COPS2: variants seen among roughly 807,000 people sequenced by gnomAD.
COPS2 encodes the protein COP9 signalosome complex subunit 2.
In COPS2, 10 loss-of-function variants were observed where a neutral mutation model predicts 66.1. The observed-to-expected ratio is 0.15, with a 90% CI of 0.09 to 0.26. The LOEUF (loss-of-function observed/expected upper bound fraction) is 0.26. Ranked by LOEUF, COPS2 falls within the 10% of genes least tolerant of loss-of-function variation. The probability of loss-of-function intolerance (pLI) is 1.00; values close to 1 mark genes in which losing one functional copy is unlikely to be tolerated. For synonymous variants in COPS2, 179 were observed against 171.3 expected (o/e 1.04, Z -0.35); for missense variants, 215 against 513.3 (o/e 0.42, Z 5.62).
At chr15:49,153,164 G>C (rs954399442) in intron 1 of COPS2, among the ~76,000 whole-genome samples, 1 of 152,186 alleles carries the variant, frequency 6.6e-6, no homozygotes, top group African/African-American at 2.4e-5. Context: ...GGTGGCACGT[G>C]CCAGTAGTCT....
chr15:49,136,209 A>G (rs1210809725), intron 6 of COPS2, among the ~76,000 whole-genome samples: 1 of 152,210 alleles, frequency 6.6e-6, no homozygotes, highest in Non-Finnish European at 1.5e-5. Flanking sequence ...GTTGAAAAAA[A>G]GTAGTACGTG....
chr15:49,147,125 CTCTTT>C (rs2141132239), intron 1 of COPS2, among the ~76,000 whole-genome samples: 1 of 152,240 alleles, frequency 6.6e-6, no homozygotes, highest in East Asian at 1.9e-4. Flanking sequence ...CGGAAATCAG[CTCTTT>C]TCTAATTGTT....
In COPS2 at chr15:49,127,852, G is replaced by T; in HGVS notation, c.*98C>A. ...CTGCCATAACTCCAATAATTTTCAG[G>T]ACACATCAACCGACAGTAGTTTTGC... On this transcript the variant is annotated 3_prime_UTR_variant, in exon 13 of 13. Coordinates refer to ENST00000388901, the MANE Select transcript of COPS2 (RefSeq NM_004236.4). 1 of 1,238,670 alleles carries T rather than the reference G, an allele frequency of 8.1e-7. No individual in the cohort carries two copies. The highest frequency in any genetic ancestry group is 1.1e-6 in the Non-Finnish European group (1 of 893,012). The allele number at this position is 1,238,670 out of a possible 1,614,324, so 76.7% of individuals were successfully genotyped here.
chr15:49,152,836 A>G, intron 1 of COPS2, among the ~76,000 whole-genome samples: 1 of 152,188 alleles, frequency 6.6e-6, no homozygotes, highest in East Asian at 1.9e-4. Flanking sequence ...AAAAAAAGTT[A>G]AAGCAATTAT....
At chr15:49,144,136 C>T (rs1048347748) in intron 3 of COPS2, 91 bp downstream of exon 3, 2 of 836,796 alleles carry the variant, frequency 2.4e-6, no homozygotes, top group Admixed American at 4.3e-5. Context: ...CAAAGAAGTA[C>T]TTTAGAAAAG....
At position 49,137,363 on chromosome 15, in the gene COPS2, A is replaced by G; in HGVS notation, c.447T>C (p.Phe149=). The change falls in exon 5 of 13, where the codon TTT becomes TTC. Residue 149 remains phenylalanine, a synonymous_variant. Transcript: ENST00000388901. ...TAACGGTTACCTTTGTGTTTGTCTT[A>G]AACCACAGTCTATCATTCTTAGCAT... is the stretch of plus-strand genomic sequence containing the variant. ...LKDAKNDRLW[F]KTNTKLGKLY... 1.2e-6 allele frequency: 2 copies of G among 1,609,716 alleles called. No individual in the cohort carries two copies. Among genetic ancestry groups the G allele is most frequent in the Non-Finnish European group, 1.7e-6 (2 of 1,176,556 alleles).
At chr15:49,130,658 G>A (rs922543136) in intron 10 of COPS2, 61 bp downstream of exon 10, 3 of 941,518 alleles carry the variant, frequency 3.2e-6, no homozygotes, top group Non-Finnish European at 5.1e-6. Context: ...GCTTCATTAA[G>A]TGGCATTTCT....
chr15:49,142,464 G>A (rs765229763), intron 3 of COPS2, among the ~76,000 whole-genome samples: 22 of 152,224 alleles, frequency 1.4e-4, no homozygotes, highest in Non-Finnish European at 2.9e-4. Context: ...GTACTAGTCA[G>A]ACGGGATAGA....
Position 49,126,291 on chromosome 15 carries a change from A to G in COPS2, c.*1659T>C, listed in dbSNP as rs544076216. The G allele has an allele frequency of 2.0e-4, 30 of 152,604 alleles. No homozygotes were observed. In the East Asian group the frequency reaches 5.6e-3, roughly 28 times the overall value. The allele number at this position is 152,604 out of a possible 1,614,324, so 9.5% of individuals were successfully genotyped here. On this transcript the variant is annotated 3_prime_UTR_variant, in exon 13 of 13. Transcript: ENST00000388901. ...GTGTTTAATACTGCTTTAGTCTGCT[A>G]AAGACATTAACTGATTGCTTTTCTA... is the stretch of plus-strand genomic sequence containing the variant.
chr15:49,154,130 AC>A (rs1566887820), intron 1 of COPS2, among the ~76,000 whole-genome samples: 2 of 152,086 alleles, frequency 1.3e-5, no homozygotes, highest in African/African-American at 4.8e-5. Context: ...ATGTAACGAA[AC>A]CCCCCATAAA....
chr15:49,150,117 G>A (rs1457184008), intron 1 of COPS2, among the ~76,000 whole-genome samples: 1 of 151,552 alleles, frequency 6.6e-6, no homozygotes, highest in East Asian at 1.9e-4. Flanking sequence ...GAGAAACCCT[G>A]TCTCTACTAA....
At chr15:49,132,889 A>C (rs781751206) in intron 9 of COPS2, among the ~76,000 whole-genome samples, 2 of 152,020 alleles carry the variant, frequency 1.3e-5, no homozygotes, top group Non-Finnish European at 2.9e-5. Context: ...CCATCATTAC[A>C]TCTTCCTCCA....
intron 1 of COPS2, among the ~76,000 whole-genome samples, chr15:49,149,937 A>T (rs1196624601): frequency 2.0e-5 from 3 of 152,192 alleles, no homozygotes; most frequent in Non-Finnish European, 2.9e-5. Context: ...AAAAATTCAC[A>T]CAAGTTAATG....
chr15:49,139,579 A>G lies in COPS2; in HGVS notation c.321T>C (p.Tyr107=). Residue 107 remains tyrosine (Y), a synonymous_variant, in exon 4 of 13, where the codon TAT becomes TAC. Transcript: ENST00000388901. Reference sequence around the variant, plus strand: ...GAATAGAATTAATGGATTTTTCAGAATAATTTCTTGTGACTGCACTCCGAA... The same window carrying G: ...GAATAGAATTAATGGATTTTTCAGAGTAATTTCTTGTGACTGCACTCCGAA... ...TYIRSAVTRN[Y]SEKSINSILD... 1 of 1,597,060 alleles carries G rather than the reference A, an allele frequency of 6.3e-7. No homozygotes were observed. The highest frequency in any genetic ancestry group is 8.6e-7 in the Non-Finnish European group (1 of 1,165,138).
intron 10 of COPS2, 70 bp downstream of exon 10, chr15:49,130,649 C>A: frequency 1.2e-6 from 1 of 866,046 alleles, no homozygotes; most frequent in Non-Finnish European, 1.9e-6. Context: ...TGCCATGCAG[C>A]TTCATTAAGT....
intron 1 of COPS2, among the ~76,000 whole-genome samples, chr15:49,147,467 A>G (rs965969488): frequency 6.6e-6 from 1 of 152,192 alleles, no homozygotes; most frequent in Non-Finnish European, 1.5e-5. Flanking sequence ...ACATGACAAC[A>G]GTAGGACTAG....
At chr15:49,150,260 A>T (rs200076501) in intron 1 of COPS2, among the ~76,000 whole-genome samples, 8,714 of 150,172 alleles carry the variant, frequency 0.058, 506 homozygotes, top group African/African-American at 0.14. Flanking sequence ...AAAAAAAAAA[A>T]AATAAATAAA....
At chr15:49,152,581 G>A (rs1442909412) in intron 1 of COPS2, among the ~76,000 whole-genome samples, 1 of 152,156 alleles carries the variant, frequency 6.6e-6, no homozygotes, top group African/African-American at 2.4e-5. Context: ...CAGCACTTTG[G>A]AAGGCTGAGG....
intron 1 of COPS2, 29 bp downstream of exon 1, chr15:49,155,495 AC>A: frequency 6.2e-7 from 1 of 1,611,432 alleles, no homozygotes; most frequent in Non-Finnish European, 8.5e-7. Flanking sequence ...ACACATCACC[AC>A]CCTCAGAGTT....
Sources: gnomAD v4.1 joint callset for allele counts (sites outside exome capture counted in the v4.1 genomes callset) on GRCh38, gnomAD v4.1.1 for gene constraint, MANE v1.5 for transcripts, NCBI Gene and HGNC (gene_info 2026-07-23, HGNC 2026-07-21) for gene names.